Variants in TSHR observed in about 807,000 individuals in gnomAD.
The protein encoded by TSHR is thyroid stimulating hormone receptor.
TSHR carries 51 observed loss-of-function variants against 64.1 expected under a neutral mutation model. The ratio of observed to expected loss-of-function variants is 0.80; its 90% CI spans 0.64 to 1.01. The LOEUF is 1.01. Among genes scored for constraint, TSHR ranks in the 50% least tolerant of loss-of-function variants. The probability of loss-of-function intolerance (pLI) is 0.00; values close to 1 mark genes in which losing one functional copy is unlikely to be tolerated. For missense variants in TSHR, 877 were observed against 942.8 expected, an observed-to-expected ratio of 0.93 and a Z score of 0.91; for synonymous variants, 361 against 361.9, an observed-to-expected ratio of 1.00 and a Z score of 0.03.
At chr14:81,116,124 G>T (rs1312159143) in intron 8 of TSHR, among the ~76,000 whole-genome samples, 1 of 151,386 alleles carries the variant, frequency 6.6e-6, no homozygotes. Flanking sequence ...TGCATCAACT[G>T]ACGAGCAAAA....
chr14:81,060,981 T>G (rs1886195056), intron 1 of TSHR, among the ~76,000 whole-genome samples: 1 of 152,142 alleles, frequency 6.6e-6, no homozygotes, highest in Admixed American at 6.6e-5. Flanking sequence ...GAGAACAGTC[T>G]CCACCTTCTG....
chr14:81,102,242 T>G (rs1566814951), intron 7 of TSHR, among the ~76,000 whole-genome samples: 1 of 151,730 alleles, frequency 6.6e-6, no homozygotes, highest in South Asian at 2.1e-4. Flanking sequence ...GCTGTATATA[T>G]AGAGACTCTC....
chr14:80,960,593 T>C (rs1288318566), intron 1 of TSHR, among the ~76,000 whole-genome samples: 10 of 152,310 alleles, frequency 6.6e-5, no homozygotes, highest in Admixed American at 3.9e-4. Flanking sequence ...CCATCATATA[T>C]ATATGAGAGA....
At chr14:80,987,898 C>T (rs769261906) in intron 1 of TSHR, among the ~76,000 whole-genome samples, 3 of 152,152 alleles carry the variant, frequency 2.0e-5, no homozygotes, top group Non-Finnish European at 4.4e-5. Flanking sequence ...TTTCCTACTT[C>T]GCCCCAACAC....
At chr14:81,135,653 C>A (rs900627960) in intron 8 of TSHR, among the ~76,000 whole-genome samples, 1 of 152,166 alleles carries the variant, frequency 6.6e-6, no homozygotes, top group African/African-American at 2.4e-5. Context: ...GCAAGAGAGA[C>A]TCCACAAGGA....
chr14:80,961,757 A>G lies in TSHR; in HGVS notation c.170+5907A>G, dbSNP rs193261908. 1.5e-3 allele frequency among the ~76,000 whole-genome samples: 235 copies of G among 152,270 alleles called. 1 individual carries two copies. The highest frequency in any genetic ancestry group is 5.5e-3 in the African/African-American group (228 of 41,564). On this transcript the variant is annotated intron_variant, in intron 1 of 9. Coordinates refer to ENST00000298171, the MANE Select transcript of TSHR (RefSeq NM_000369.5). ...AACCTAGTTCTTTATTGAGTTTTCT[A>G]TGTATTTATTATTTTGTTTGGAAAT...
intron 1 of TSHR, among the ~76,000 whole-genome samples, chr14:81,018,023 G>A (rs914931861): frequency 6.6e-5 from 10 of 151,938 alleles, no homozygotes; most frequent in Non-Finnish European, 1.3e-4. Flanking sequence ...TAGAGATGAG[G>A]TTTCATCATG....
intron 1 of TSHR, among the ~76,000 whole-genome samples, chr14:81,016,329 ATC>A (rs1890182276): frequency 6.6e-6 from 1 of 152,162 alleles, no homozygotes. Flanking sequence ...ATGTGAGGTG[ATC>A]TCTCACTACG....
At chr14:81,048,051 A>G (rs1885254603) in intron 1 of TSHR, among the ~76,000 whole-genome samples, 2 of 152,124 alleles carry the variant, frequency 1.3e-5, no homozygotes, top group Non-Finnish European at 2.9e-5. Flanking sequence ...TTCACTCAGG[A>G]CTTTGCAATA....
chr14:81,088,169 CG>C, intron 4 of TSHR, 141 bp downstream of exon 4: 3 of 697,660 alleles, frequency 4.3e-6, no homozygotes, highest in Non-Finnish European at 5.1e-6. Context: ...GGCAAGGTAT[CG>C]GGTGAAATGA....
intron 1 of TSHR, among the ~76,000 whole-genome samples, chr14:81,017,973 G>C (rs1336157946): frequency 6.6e-6 from 1 of 151,946 alleles, no homozygotes; most frequent in Admixed American, 6.6e-5. Context: ...GGGATTACAG[G>C]TACCTACCAC....
chr14:81,105,297 G>T (rs1434810864), intron 7 of TSHR: 36 of 924,826 alleles, frequency 3.9e-5, no homozygotes, highest in Non-Finnish European at 4.5e-5. Context: ...GGATATCAAG[G>T]CTTCTGTATA....
In TSHR at chr14:81,144,983, C is replaced by A. The variant is rs1891874973; in HGVS notation, c.*630C>A. The A allele has an allele frequency of 4.3e-6, 1 of 233,584 alleles. No individual in the cohort carries two copies. Among genetic ancestry groups the A allele is most frequent in the African/African-American group, 2.2e-5 (1 of 45,336 alleles). The allele number at this position is 233,584 out of a possible 1,614,324, so 14.5% of individuals were successfully genotyped here. On this transcript the variant is annotated 3_prime_UTR_variant, in exon 10 of 10. Transcript: ENST00000298171. ...TAATCATCTCTTCACAAGAATCCAC[C>A]TGATGTGACCAAGCTATTATGTGTT...
chr14:80,970,662 T>C (rs1887545542), intron 1 of TSHR, among the ~76,000 whole-genome samples: 1 of 152,224 alleles, frequency 6.6e-6, no homozygotes, highest in Non-Finnish European at 1.5e-5. Flanking sequence ...TGTTATAGAC[T>C]CTTGTAGGTC....
At chr14:81,109,865 A>G (rs1353270093) in intron 8 of TSHR, among the ~76,000 whole-genome samples, 1 of 152,260 alleles carries the variant, frequency 6.6e-6, no homozygotes. Flanking sequence ...TTACAAGAAG[A>G]CAAGTGGGGA....
At chr14:81,024,210 T>C (rs1442096580) in intron 1 of TSHR, among the ~76,000 whole-genome samples, 1 of 152,046 alleles carries the variant, frequency 6.6e-6, no homozygotes, top group Non-Finnish European at 1.5e-5. Context: ...TCACTTTTTT[T>C]CAAATAATAA....
At chr14:81,112,988 G>T (rs755531034) in intron 8 of TSHR, among the ~76,000 whole-genome samples, 1 of 152,170 alleles carries the variant, frequency 6.6e-6, no homozygotes, top group African/African-American at 2.4e-5. Flanking sequence ...CAGGTCTTTT[G>T]ATTTGCTCTT....
chr14:81,038,675 A>G (rs1407822829), intron 1 of TSHR, among the ~76,000 whole-genome samples: 1 of 150,558 alleles, frequency 6.6e-6, no homozygotes, highest in Non-Finnish European at 1.5e-5. Flanking sequence ...ACAGAAATAC[A>G]GAGAATCATA....
At chr14:81,055,554 G>A (rs1194035501) in intron 1 of TSHR, among the ~76,000 whole-genome samples, 1 of 152,210 alleles carries the variant, frequency 6.6e-6, no homozygotes, top group Non-Finnish European at 1.5e-5. Context: ...GCTGTACCCT[G>A]TAAAGCCACA....
Sources: allele counts gnomAD v4.1 joint callset (sites outside exome capture counted in the v4.1 genomes callset), GRCh38; gene constraint gnomAD v4.1.1; transcripts MANE v1.5; gene names NCBI Gene and HGNC (gene_info 2026-07-23, HGNC 2026-07-21).